The following BAHCC1 variants were observed in gnomAD, a reference collection of about 807,000 sequenced individuals.
The protein encoded by BAHCC1 is BAH and coiled-coil domain-containing protein 1.
Under a neutral mutation model 88.2 loss-of-function variants are expected in BAHCC1, and 43 were observed. That is an observed-to-expected ratio of 0.49 (90% CI 0.38 to 0.63). The LOEUF (loss-of-function observed/expected upper bound fraction) is 0.63, where lower values mean the gene tolerates loss of function less well. Among genes scored for constraint, BAHCC1 ranks in the 20% least tolerant of loss-of-function variants. BAHCC1 has a pLI of 0.00. For synonymous variants in BAHCC1, 1,510 were observed against 745.5 expected (o/e 2.03, Z -16.71); for missense variants, 3,023 against 1,654.8 (o/e 1.83, Z -14.34).
chr17:81,461,157 A>G lies in BAHCC1; in HGVS notation c.6494A>G (p.Tyr2165Cys). The change falls in exon 26 of 28, where the codon TAC becomes TGC. Residue 2165 changes from tyrosine (Y) to cysteine (C), a missense_variant. Tyr to Cys is a radical substitution (Grantham distance 194). Transcript: ENST00000675386. ...TCCTTCAGCAGCCTGGCCAGCTCCTACGCGCCCTTCGTCGGGGGGACCGGG... is the reference window on the plus strand; with the variant it reads ...TCCTTCAGCAGCCTGGCCAGCTCCTGCGCGCCCTTCGTCGGGGGGACCGGG... ...ADSFSSLASS[Y>C]APFVGGTGPG... is the part of the protein sequence containing the mutation. The G allele has an allele frequency of 4.0e-6, 3 of 759,148 alleles. No individual in the cohort carries two copies. The South Asian group carries it at 4.1e-5, about 10-fold the overall frequency. The allele number at this position is 759,148 out of a possible 1,614,324, so 47.0% of individuals were successfully genotyped here.
rs1461885003 is a variant in BAHCC1, at chr17:81,442,644, A to C, written c.1295A>C (p.Asp432Ala). Residue 432 changes from aspartate to alanine, a missense_variant, in exon 5 of 28, where the codon GAC becomes GCC. By Grantham distance (126) the Asp-to-Ala change is moderately radical. Coordinates refer to ENST00000675386, the MANE Select transcript of BAHCC1 (RefSeq NM_001377448.1). ...DRHLEGTMAPDHAAPYGVSYA... is the reference protein window; with the variant it reads ...DRHLEGTMAPAHAAPYGVSYA... ...CACCTGGAGGGAACCATGGCCCCCG[A>C]CCACGCTGCACCCTATGGAGTCTCC... is the stretch of plus-strand genomic sequence containing the variant. 2.6e-6 allele frequency: 2 copies of C among 775,778 alleles called. No individual in the cohort carries two copies. Among genetic ancestry groups the C allele is most frequent in the African/African-American group, 3.4e-5 (2 of 58,994 alleles). The allele number at this position is 775,778 out of a possible 1,614,324, so 48.1% of individuals were successfully genotyped here. A position where few individuals can be genotyped will look rare whatever the true frequency, so the allele number is the denominator to read the frequency against.
chr17:81,418,841 A>T (rs2064076769), intron 2 of BAHCC1, among the ~76,000 whole-genome samples: 1 of 58,880 alleles, frequency 1.7e-5, no homozygotes, highest in African/African-American at 4.5e-5. Context: ...GTAGCCACTC[A>T]TCCCAGACAT....
intron 2 of BAHCC1, among the ~76,000 whole-genome samples, chr17:81,415,766 C>A (rs1266089569): frequency 6.6e-6 from 1 of 152,242 alleles, no homozygotes; most frequent in African/African-American, 2.4e-5. Context: ...TCCCTGCTCC[C>A]TGACCTACCC....
rs2063788147 is a variant in BAHCC1 at position 81,399,678 on chromosome 17, G to A, written c.-62G>A. 1.0e-6 allele frequency: 1 copy of A among 971,284 alleles called. No homozygotes were observed. The highest frequency in any genetic ancestry group is 1.2e-6 in the Non-Finnish European group (1 of 817,476). 60.2% of individuals were successfully genotyped at this position (971,284 alleles called of 1,614,324 possible). ...CTCTGCGCCGCCCGCGCGCCGAGCC[G>A]CCCCCGGGCCCCGGCCGCGCTGCTC... On this transcript the variant is annotated 5_prime_UTR_variant, in exon 2 of 28. Coordinates refer to ENST00000675386, the MANE Select transcript of BAHCC1 (RefSeq NM_001377448.1). This position sits in a 1 kb window ranked among gnomAD's most constrained non-coding sequence, Gnocchi z 4.5.
At chr17:81,438,347 A>C (rs782301440) in intron 3 of BAHCC1, 23 bp from the exon 4 acceptor site, 7 of 777,834 alleles carry the variant, frequency 9.0e-6, no homozygotes, top group Admixed American at 1.7e-5. Context: ...TTGCCTCTGC[A>C]ACTGGGTCTC....
chr17:81,460,300 G>A lies in BAHCC1; in HGVS notation c.5929G>A (p.Asp1977Asn). 1.3e-6 allele frequency: 1 copy of A among 775,608 alleles called. No homozygotes were observed. The highest frequency in any genetic ancestry group is 2.4e-6 in the Non-Finnish European group (1 of 416,026). The allele number at this position is 775,608 out of a possible 1,614,324, so 48.0% of individuals were successfully genotyped here. The change falls in exon 24 of 28, where the codon GAC becomes AAC. Residue 1977 changes from aspartate to asparagine, a missense_variant. Asp to Asn is a conservative substitution (Grantham distance 23). Coordinates refer to ENST00000675386, the MANE Select transcript of BAHCC1 (RefSeq NM_001377448.1). ...VRGASGDEDE[D>N]LDSVVVEFDD... ...AGGGGCCTCCGGTGACGAAGATGAG[G>A]ACCTGGACTCAGTAGTGGTGGAATT... is the stretch of plus-strand genomic sequence containing the variant.
chr17:81,455,758 C>T (rs374672024), intron 15 of BAHCC1, among the ~76,000 whole-genome samples: 1 of 152,124 alleles, frequency 6.6e-6, no homozygotes, highest in Admixed American at 6.5e-5. Context: ...CGGCTGCCGG[C>T]ACCCCCTTTC....
rs782139270 is a variant in BAHCC1, at chr17:81,452,815, C to T, written c.4409C>T (p.Thr1470Met). ...HSSSLPAPRP[T>M]GPLPRSDGKK... ...AGCTCGCTGCCTGCCCCACGTCCCACGGGGCCGCTCCCCAGGAGCGATGGC... is the reference window on the plus strand; with the variant it reads ...AGCTCGCTGCCTGCCCCACGTCCCATGGGGCCGCTCCCCAGGAGCGATGGC... Residue 1470 changes from threonine to methionine, a missense_variant, in exon 14 of 28, where the codon ACG becomes ATG. Physicochemically the swap from Thr to Met is moderately conservative, Grantham distance 81. Coordinates refer to ENST00000675386, the MANE Select transcript of BAHCC1 (RefSeq NM_001377448.1). 10 of 742,630 alleles carry T rather than the reference C, an allele frequency of 1.3e-5. No homozygotes were observed. The highest frequency in any genetic ancestry group is 3.9e-5 in the Admixed American group (2 of 51,334). The allele number at this position is 742,630 out of a possible 1,614,324, so 46.0% of individuals were successfully genotyped here.
intron 2 of BAHCC1, among the ~76,000 whole-genome samples, chr17:81,425,585 A>G (rs1598472199): frequency 2.3e-4 from 2 of 8,740 alleles, no homozygotes; most frequent in Admixed American, 2.0e-3. Flanking sequence ...GTTGGGGGTG[A>G]TAGTGGTGGG....
intron 15 of BAHCC1, among the ~76,000 whole-genome samples, chr17:81,455,607 C>T (rs978645374): frequency 2.0e-5 from 3 of 152,196 alleles, no homozygotes; most frequent in Admixed American, 6.5e-5. Flanking sequence ...CGCCACTTGC[C>T]CACGTCACTC....
At chr17:81,445,293 AGG>A in intron 9 of BAHCC1, 59 bp from the exon 10 acceptor site, 1 of 731,050 alleles carries the variant, frequency 1.4e-6, no homozygotes, top group South Asian at 1.5e-5. Flanking sequence ...GAACCCAAGC[AGG>A]GGGCCCACTG....
chr17:81,458,662 C>A lies in BAHCC1; in HGVS notation c.5385C>A (p.Asn1795Lys), dbSNP rs782249602. ...TGTCCATCACGCTGGCCACACGCAACGCCAAGGCCATCCTGGGGAAGGGCC... is the reference window on the plus strand; with the variant it reads ...TGTCCATCACGCTGGCCACACGCAAAGCCAAGGCCATCCTGGGGAAGGGCC... ...GALSITLATRNAKAILGKGRK... is the reference protein window; with the variant it reads ...GALSITLATRKAKAILGKGRK... The change falls in exon 19 of 28, where the codon AAC becomes AAA. Residue 1795 changes from asparagine to lysine, a missense_variant. Transcript: ENST00000675386. 5.5e-6 allele frequency: 4 copies of A among 721,810 alleles called. No individual in the cohort carries two copies. Among genetic ancestry groups the A allele is most frequent in the Non-Finnish European group, 1.0e-5 (4 of 387,774 alleles). 44.7% of individuals were successfully genotyped at this position (721,810 alleles called of 1,614,324 possible).
At chr17:81,456,781 C>T (rs1470262395) in intron 16 of BAHCC1, among the ~76,000 whole-genome samples, 196 bp downstream of exon 16, 1 of 152,072 alleles carries the variant, frequency 6.6e-6, no homozygotes, top group African/African-American at 2.4e-5. Flanking sequence ...ACCCCCATCC[C>T]CAGGCAGAGC....
At chr17:81,409,486 G>A (rs571653375) in intron 2 of BAHCC1, among the ~76,000 whole-genome samples, 1 of 152,338 alleles carries the variant, frequency 6.6e-6, no homozygotes, top group East Asian at 1.9e-4. Context: ...GGCTCAGGGT[G>A]GGGGCCAGTT....
chr17:81,430,415 G>A (rs1406291033), intron 3 of BAHCC1, among the ~76,000 whole-genome samples: 1 of 152,120 alleles, frequency 6.6e-6, no homozygotes, highest in East Asian at 1.9e-4. Context: ...CCGCCTGGCC[G>A]GCCTCTTGGT....
intron 10 of BAHCC1, among the ~76,000 whole-genome samples, chr17:81,445,916 CG>C (rs1450326355): frequency 6.6e-6 from 1 of 152,222 alleles, no homozygotes; most frequent in Non-Finnish European, 1.5e-5. Flanking sequence ...CTGACGAAGG[CG>C]GGAGGAAGAC....
chr17:81,442,118 C>A lies in BAHCC1; in HGVS notation c.769C>A (p.Pro257Thr). The A allele has an allele frequency of 1.5e-6, 1 of 683,716 alleles. No individual in the cohort carries two copies. The highest frequency in any genetic ancestry group is 2.7e-6 in the Non-Finnish European group (1 of 371,976). 42.4% of individuals were successfully genotyped at this position (683,716 alleles called of 1,614,324 possible). A position where few individuals can be genotyped will look rare whatever the true frequency, so the allele number is the denominator to read the frequency against. The change falls in exon 5 of 28, where the codon CCA becomes ACA. Residue 257 changes from proline (P) to threonine (T), a missense_variant. Transcript: ENST00000675386. Reference sequence around the variant, plus strand: ...GCGGCACAAGCTGGTGCTGCCCGTGCCAGCCGACGGGCACTGCAGGGAGGG... The same window carrying A: ...GCGGCACAAGCTGGTGCTGCCCGTGACAGCCGACGGGCACTGCAGGGAGGG... ...KERHKLVLPV[P>T]ADGHCREGGP...
At chr17:81,446,746 G>T (rs1422294435) in intron 10 of BAHCC1, 1 of 591,088 alleles carries the variant, frequency 1.7e-6, no homozygotes, top group Non-Finnish European at 3.2e-6. Flanking sequence ...AGTGGCACGT[G>T]CTCACTCTGT....
intron 13 of BAHCC1, 130 bp from the exon 14 acceptor site, chr17:81,452,592 TC>T (rs1225203172): frequency 3.1e-5 from 17 of 544,472 alleles, no homozygotes; most frequent in South Asian, 3.1e-4. Flanking sequence ...GGGGTCAGGC[TC>T]CCCAGGCCGA....
Sources: allele counts gnomAD v4.1 joint callset (sites outside exome capture counted in the v4.1 genomes callset), GRCh38; gene constraint gnomAD v4.1.1; non-coding constraint Gnocchi (gnomAD v3.1); transcripts MANE v1.5; gene names NCBI Gene and HGNC (gene_info 2026-07-23, HGNC 2026-07-21).